The following PPP1R3A variants were observed in gnomAD, a reference collection of about 807,000 sequenced individuals.
PPP1R3A encodes RG1.
Under a neutral mutation model 41.7 loss-of-function variants are expected in PPP1R3A, and 29 were observed. The ratio of observed to expected loss-of-function variants is 0.70; its 90% confidence interval spans 0.52 to 0.95. PPP1R3A has a LOEUF of 0.95. PPP1R3A is among the 40% of genes least tolerant of loss of function. The pLI is 0.00. For synonymous variants in PPP1R3A, 485 were observed against 453.4 expected (o/e 1.07, Z -0.89); for missense variants, 1,352 against 1,292.4 (o/e 1.05, Z -0.71).
intron 1 of PPP1R3A, among the ~76,000 whole-genome samples, chr7:113,898,324 A>G (rs902458646): frequency 6.6e-6 from 1 of 151,782 alleles, no homozygotes; most frequent in Non-Finnish European, 1.5e-5. Flanking sequence ...AACTAAGTCA[A>G]ACTCAGAGAA....
Position 113,879,659 on chromosome 7 carries a change from T to C in PPP1R3A, c.1433A>G (p.Glu478Gly), listed in dbSNP as rs1354677965. Residue 478 changes from glutamate (E) to glycine (G), a missense_variant, in exon 4 of 4, where the codon GAA becomes GGA. Glu to Gly is a moderately conservative substitution (Grantham distance 98). Transcript: ENST00000284601. The stretch of plus-strand genomic sequence containing the variant: ...TCGTAAACATCCCAAATCTTTTACT[T>C]CAATATTTTTAGCTCCTCCTTCATG... Reference protein sequence around the residue: ...KKHEGGAKNIEVKDLGCLRRD... With the variant: ...KKHEGGAKNIGVKDLGCLRRD... 1 of 1,613,360 alleles carries C rather than the reference T, an allele frequency of 6.2e-7. No individual in the cohort carries two copies.
chr7:113,891,112 A>C (rs1279729522), intron 1 of PPP1R3A, among the ~76,000 whole-genome samples: 2 of 150,550 alleles, frequency 1.3e-5, no homozygotes, highest in East Asian at 1.9e-4. Context: ...AAAAAAAAAA[A>C]AACCCTGCAT....
At chr7:113,888,217 T>C (rs969991216) in intron 1 of PPP1R3A, among the ~76,000 whole-genome samples, 1 of 151,994 alleles carries the variant, frequency 6.6e-6, no homozygotes, top group African/African-American at 2.4e-5. Flanking sequence ...ACCAGTGGCA[T>C]GGGGTTTAGG....
chr7:113,903,186 G>T (rs962673410), intron 1 of PPP1R3A, among the ~76,000 whole-genome samples: 1 of 151,724 alleles, frequency 6.6e-6, no homozygotes, highest in East Asian at 1.9e-4. Flanking sequence ...CTAGGTAAAA[G>T]TGTAAACTTT....
chr7:113,890,511 C>T (rs1796862383), intron 1 of PPP1R3A, among the ~76,000 whole-genome samples: 1 of 152,152 alleles, frequency 6.6e-6, no homozygotes, highest in Non-Finnish European at 1.5e-5. Context: ...CAGACAGACA[C>T]TCAGACTCCA....
chr7:113,914,084 CAA>C (rs752848682), intron 1 of PPP1R3A, among the ~76,000 whole-genome samples: 1 of 152,084 alleles, frequency 6.6e-6, no homozygotes, highest in Non-Finnish European at 1.5e-5. Context: ...AATGCAAGTT[CAA>C]GAGTCAGGAC....
chr7:113,899,509 T>A (rs1797029894), intron 1 of PPP1R3A, among the ~76,000 whole-genome samples: 1 of 151,846 alleles, frequency 6.6e-6, no homozygotes, highest in African/African-American at 2.4e-5. Context: ...CATGCCACAT[T>A]TTCCAAAGTG....
At position 113,878,410 on chromosome 7, in the gene PPP1R3A, C is replaced by T. The variant is rs775692398; in HGVS notation, c.2682G>A (p.Ser894=). 1.8e-5 allele frequency: 29 copies of T among 1,611,538 alleles called. No homozygotes were observed. The highest frequency in any genetic ancestry group is 4.5e-5 in the East Asian group (2 of 44,836). Residue 894 remains serine (S), a synonymous_variant, in exon 4 of 4, where the codon TCG becomes TCA. Coordinates refer to ENST00000284601, the MANE Select transcript of PPP1R3A (RefSeq NM_002711.4). ...QVQELSKKTD[S]DAIVHSAFNS... ...TAAAAGCAGAATGCACAATGGCATCCGAGTCTGTTTTCTTTGATAATTCTT... is the reference window on the plus strand; with the variant it reads ...TAAAAGCAGAATGCACAATGGCATCTGAGTCTGTTTTCTTTGATAATTCTT...
chr7:113,889,507 T>C (rs1193812410), intron 1 of PPP1R3A, among the ~76,000 whole-genome samples: 2 of 152,088 alleles, frequency 1.3e-5, no homozygotes, highest in Non-Finnish European at 2.9e-5. Context: ...TGAAAACTAG[T>C]GTTTGTTGAA....
intron 1 of PPP1R3A, among the ~76,000 whole-genome samples, chr7:113,887,709 A>G (rs1380939816): frequency 6.6e-6 from 1 of 152,106 alleles, no homozygotes; most frequent in Admixed American, 6.6e-5. Flanking sequence ...GGCAGAGGGA[A>G]CAACAGGTCG....
chr7:113,882,407 C>G lies in PPP1R3A; in HGVS notation c.783-87G>C, dbSNP rs976031707. 139 of 791,980 alleles carry G rather than the reference C, an allele frequency of 1.8e-4. 1 individual carries two copies. Among genetic ancestry groups the G allele is most frequent in the Admixed American group, 3.0e-4 (14 of 46,964 alleles). The allele number at this position is 791,980 out of a possible 1,614,324, so 49.1% of individuals were successfully genotyped here. On this transcript the variant is annotated intron_variant, in intron 1 of 3. Transcript: ENST00000284601. ...ACACAGGGGGAAATTCAATCAGTAA[C>G]AAGCCAAATAAACATTATATAGCCT...
intron 1 of PPP1R3A, among the ~76,000 whole-genome samples, chr7:113,908,847 G>A (rs1449643753): frequency 1.3e-5 from 2 of 151,804 alleles, no homozygotes; most frequent in African/African-American, 4.8e-5. Context: ...CAACAACATG[G>A]ATCCACCTGG....
rs202100582 is a variant in PPP1R3A, at chr7:113,878,229, T to C, written c.2863A>G (p.Asn955Asp). The stretch of plus-strand genomic sequence containing the variant: ...ATACCCTGGATTTCTCTTGTTGAAT[T>C]ACAAATATTTTCTGATTTCGTAGAA... ...PISTKSENIC[N>D]STREIQGIEK... Residue 955 changes from asparagine (N) to aspartate (D), a missense_variant, in exon 4 of 4, where the codon AAT becomes GAT. Asn to Asp is a conservative substitution (Grantham distance 23). Coordinates refer to ENST00000284601, the MANE Select transcript of PPP1R3A (RefSeq NM_002711.4). 1.2e-6 allele frequency: 2 copies of C among 1,613,198 alleles called. No individual in the cohort carries two copies. Among genetic ancestry groups the C allele is most frequent in the Admixed American group, 1.7e-5 (1 of 59,846 alleles).
At chr7:113,881,983 C>A in intron 3 of PPP1R3A, 56 bp downstream of exon 3, 3 of 1,602,898 alleles carry the variant, frequency 1.9e-6, no homozygotes, top group Non-Finnish European at 2.6e-6. Context: ...ATTGCAGCAT[C>A]TTTGAAGCAG....
intron 1 of PPP1R3A, among the ~76,000 whole-genome samples, chr7:113,903,559 T>C (rs1281277645): frequency 1.3e-5 from 2 of 151,772 alleles, no homozygotes; most frequent in Non-Finnish European, 2.9e-5. Flanking sequence ...ACCATTCGTA[T>C]AACATCATCA....
In PPP1R3A at chr7:113,878,989, T is replaced by G. The variant is rs762931795; in HGVS notation, c.2103A>C (p.Glu701Asp). Residue 701 changes from glutamate to aspartate, a missense_variant, in exon 4 of 4, where the codon GAA becomes GAC. Transcript: ENST00000284601. The part of the protein sequence containing the change: ...NTRSLKATTE[E>D]LFTCQETVCC... ...ACACTGTTTCTTGGCAGGTAAACAATTCTTCTGTAGTAGCTTTCAAACTCC... is the reference window on the plus strand; with the variant it reads ...ACACTGTTTCTTGGCAGGTAAACAAGTCTTCTGTAGTAGCTTTCAAACTCC... The G allele has an allele frequency of 9.9e-6, 16 of 1,613,338 alleles. No homozygotes were observed. The East Asian group carries it at 3.6e-4, about 36-fold the overall frequency.
intron 1 of PPP1R3A, among the ~76,000 whole-genome samples, chr7:113,917,320 CT>C: frequency 6.6e-6 from 1 of 152,110 alleles, no homozygotes; most frequent in Middle Eastern, 3.4e-3. Context: ...GACTTTCCCT[CT>C]GGGATACTGA....
chr7:113,890,179 C>A (rs1309689004), intron 1 of PPP1R3A, among the ~76,000 whole-genome samples: 1 of 152,228 alleles, frequency 6.6e-6, no homozygotes, highest in East Asian at 1.9e-4. Flanking sequence ...AATTGGTAGT[C>A]AACTAGCTTA....
intron 1 of PPP1R3A, among the ~76,000 whole-genome samples, chr7:113,913,544 C>A (rs551382196): frequency 4.9e-4 from 75 of 152,210 alleles, no homozygotes; most frequent in African/African-American, 1.7e-3. Flanking sequence ...TTTGCATTCA[C>A]CTGGCCAAGT....
Sources: gnomAD v4.1 joint callset for allele counts (sites outside exome capture counted in the v4.1 genomes callset) on GRCh38, gnomAD v4.1.1 for gene constraint, MANE v1.5 for transcripts, NCBI Gene and HGNC (gene_info 2026-07-23, HGNC 2026-07-21) for gene names.